The following FN3K variants were observed in gnomAD, a reference collection of about 807,000 sequenced individuals.
FN3K encodes the protein fructosamine-3-kinase.
A neutral mutation model predicts 24.8 loss-of-function variants in FN3K; 24 were observed. The ratio of observed to expected loss-of-function variants is 0.97; its 90% CI spans 0.70 to 1.36. The LOEUF (loss-of-function observed/expected upper bound fraction) is 1.36, where lower values mean the gene tolerates loss of function less well. FN3K is among the 40% of genes most tolerant of loss of function. The pLI is 0.00. For synonymous variants in FN3K, 192 were observed against 175.2 expected (o/e 1.10, Z -0.76); for missense variants, 449 against 416.7 (o/e 1.08, Z -0.67).
rs977029775 is a variant in FN3K at position 82,748,837 on chromosome 17, T to G, written c.469-18T>G. ...GGCTCCGAATTGCAACAGTGGCCTCTTTTCCCTTGTTGTCCAGGTGAATGA... is the reference window on the plus strand; with the variant it reads ...GGCTCCGAATTGCAACAGTGGCCTCGTTTCCCTTGTTGTCCAGGTGAATGA... On this transcript the variant is annotated intron_variant, in intron 4 of 5. Coordinates refer to ENST00000300784, the MANE Select transcript of FN3K (RefSeq NM_022158.4). The G allele has an allele frequency of 1.4e-5, 22 of 1,606,502 alleles. No individual in the cohort carries two copies. The highest frequency in any genetic ancestry group is 1.6e-5 in the Non-Finnish European group (19 of 1,178,236).
At position 82,750,841 on chromosome 17, in the gene FN3K, T is replaced by G; in HGVS notation, c.*86T>G. The G allele has an allele frequency of 3.2e-6, 3 of 942,430 alleles. No individual in the cohort carries two copies. Among genetic ancestry groups the G allele is most frequent in the Non-Finnish European group, 4.4e-6 (3 of 680,194 alleles). 58.4% of individuals were successfully genotyped at this position (942,430 alleles called of 1,614,324 possible). A position where few individuals can be genotyped will look rare whatever the true frequency, so the allele number is the denominator to read the frequency against. ...CCCGTCCCCCGTCCCTGTGCCCCCG[T>G]CCCTGTCCCCCTGTTCCCGTCTCCC... On this transcript the variant is annotated 3_prime_UTR_variant, in exon 6 of 6. Coordinates refer to ENST00000300784, the MANE Select transcript of FN3K (RefSeq NM_022158.4).
intron 1 of FN3K, among the ~76,000 whole-genome samples, chr17:82,737,334 G>T (rs941138781): frequency 2.0e-5 from 3 of 152,088 alleles, no homozygotes; most frequent in Admixed American, 2.0e-4. Context: ...CCATCATGGT[G>T]AAATTCCATC....
At chr17:82,735,854 C>A in intron 1 of FN3K, 77 bp downstream of exon 1, 6 of 1,499,264 alleles carry the variant, frequency 4.0e-6, no homozygotes, top group Non-Finnish European at 5.4e-6. Flanking sequence ...GGGGCAGGCG[C>A]ATTTCCTGGG....
chr17:82,738,644 A>C lies in FN3K; in HGVS notation c.293+4A>C. 2 of 1,613,716 alleles carry C rather than the reference A, an allele frequency of 1.2e-6. No homozygotes were observed. Among genetic ancestry groups the C allele is most frequent in the Non-Finnish European group, 1.7e-6 (2 of 1,179,822 alleles). On this transcript the variant is annotated splice_donor_region_variant and intron_variant, in intron 2 of 5. Transcript: ENST00000300784. ...TGAAGATGAAGAGCTTGAGCAGGTG[A>C]GTGTGTGTGAGACCCATATGCGCAC... is the stretch of plus-strand genomic sequence containing the variant.
At chr17:82,748,723 A>G (rs1336073574) in intron 4 of FN3K, 132 bp from the exon 5 acceptor site, 1 of 1,413,602 alleles carries the variant, frequency 7.1e-7, no homozygotes, top group Non-Finnish European at 9.9e-7. Context: ...TGGGTTGAGT[A>G]TTTTATGTTT....
At chr17:82,737,053 C>T (rs1568066790) in intron 1 of FN3K, among the ~76,000 whole-genome samples, 1 of 152,128 alleles carries the variant, frequency 6.6e-6, no homozygotes, top group Non-Finnish European at 1.5e-5. Context: ...GGGGGCTCGC[C>T]CTGGAGCAGG....
intron 2 of FN3K, among the ~76,000 whole-genome samples, chr17:82,738,948 T>TG (rs1598340682): frequency 2.5e-5 from 2 of 80,814 alleles, no homozygotes; most frequent in African/African-American, 1.1e-4. Context: ...ATATATATAT[T>TG]TTTTTTTTTT....
Position 82,738,947 on chromosome 17 carries a change from T to TA in FN3K, c.293+307_293+308insA, listed in dbSNP as rs1491164859. Among the ~76,000 whole-genome samples the TA allele has an allele frequency of 1.0e-3, 67 of 65,106 alleles. 2 individuals are homozygous for TA. Among genetic ancestry groups the TA allele is most frequent in the East Asian group, 4.5e-3 (10 of 2,238 alleles). 42.7% of individuals were successfully genotyped at this position (65,106 alleles called of 152,430 possible). ...ACACATATATATATATATATATATATTTTTTTTTTTTTTGAAACACAGTCT... is the reference window on the plus strand; with the variant it reads ...ACACATATATATATATATATATATATATTTTTTTTTTTTTGAAACACAGTCT... On this transcript the variant is annotated intron_variant, in intron 2 of 5. Coordinates refer to ENST00000300784, the MANE Select transcript of FN3K (RefSeq NM_022158.4).
Position 82,748,924 on chromosome 17 carries a change from A to G in FN3K, c.538A>G (p.Ile180Val). The G allele has an allele frequency of 6.2e-7, 1 of 1,614,160 alleles. No homozygotes were observed. The highest frequency in any genetic ancestry group is 8.5e-7 in the Non-Finnish European group (1 of 1,180,034). The change falls in exon 5 of 6, where the codon ATT (isoleucine) becomes GTT (valine). Residue 180 changes from isoleucine to valine, a missense_variant. Transcript: ENST00000300784. ...CCGGCTCCAGGCGCAGCTGGACCTC[A>G]TTGAGAAGGACTATGCTGACCGAGA... ...RHRLQAQLDL[I>V]EKDYADREAR...
chr17:82,742,428 C>T (rs2046946135), intron 4 of FN3K, among the ~76,000 whole-genome samples: 4 of 152,164 alleles, frequency 2.6e-5, no homozygotes. Context: ...TCTAATGTAC[C>T]TTCTGTCTCT....
intron 2 of FN3K, among the ~76,000 whole-genome samples, chr17:82,738,947 T>TACACA (rs1491164859): frequency 3.1e-5 from 2 of 65,254 alleles, no homozygotes; most frequent in African/African-American, 6.4e-5. Context: ...TATATATATA[T>TACACA]TTTTTTTTTT....
At chr17:82,737,107 C>T (rs2046907069) in intron 1 of FN3K, among the ~76,000 whole-genome samples, 1 of 152,192 alleles carries the variant, frequency 6.6e-6, no homozygotes, top group African/African-American at 2.4e-5. Context: ...ACACTCACAC[C>T]CACCCTCGGT....
At chr17:82,739,722 G>A (rs931881505) in intron 2 of FN3K, among the ~76,000 whole-genome samples, 2 of 152,074 alleles carry the variant, frequency 1.3e-5, no homozygotes, top group Admixed American at 1.3e-4. Flanking sequence ...CTCCCAAAGT[G>A]CTGGGATTAT....
At chr17:82,748,142 C>CTTTTTT (rs145352692) in intron 4 of FN3K, among the ~76,000 whole-genome samples, 3 of 141,866 alleles carry the variant, frequency 2.1e-5, no homozygotes, top group African/African-American at 2.6e-5. Context: ...CTCTAGCTTT[C>CTTTTTT]TTTTTTTTTT....
Position 82,735,756 on chromosome 17 carries a change from CAA to C in FN3K, c.122_123del (p.Lys41SerfsTer12). ...YDTDAGPVFV[K>X]VNRRTQARQM... The stretch of plus-strand genomic sequence containing the variant: ...ACACGGACGCAGGCCCAGTGTTCGT[CAA>C]AGTCAACCGCAGGACGCAGGTGCTG... On this transcript the variant is annotated frameshift_variant, in exon 1 of 6. Coordinates refer to ENST00000300784, the MANE Select transcript of FN3K (RefSeq NM_022158.4). LOFTEE classifies it high-confidence loss of function. The C allele has an allele frequency of 2.6e-6, 4 of 1,563,930 alleles. No individual in the cohort carries two copies. The highest frequency in any genetic ancestry group is 3.5e-6 in the Non-Finnish European group (4 of 1,156,218).
chr17:82,744,100 A>G (rs1317236139), intron 4 of FN3K, among the ~76,000 whole-genome samples: 3 of 152,168 alleles, frequency 2.0e-5, no homozygotes, highest in Admixed American at 1.3e-4. Flanking sequence ...CAGCCAGGCT[A>G]TGGGGAGGGG....
chr17:82,749,687 A>G (rs2046989732), intron 5 of FN3K: 1 of 158,634 alleles, frequency 6.3e-6, no homozygotes, highest in Non-Finnish European at 1.4e-5. Flanking sequence ...ATCAAAATAT[A>G]ACTCTCAAAA....
At chr17:82,746,590 C>CA (rs1186793837) in intron 4 of FN3K, among the ~76,000 whole-genome samples, 3 of 152,050 alleles carry the variant, frequency 2.0e-5, no homozygotes, top group African/African-American at 7.2e-5. Context: ...CACTTGAGGT[C>CA]AGGAGTTCGA....
In FN3K at chr17:82,735,697, G is replaced by C; in HGVS notation, c.61G>C (p.Gly21Arg). 1.9e-6 allele frequency: 3 copies of C among 1,544,760 alleles called. No individual in the cohort carries two copies. The highest frequency in any genetic ancestry group is 2.6e-6 in the Non-Finnish European group (3 of 1,147,510). The change falls in exon 1 of 6, where the codon GGC (glycine) becomes CGC (arginine). Residue 21 changes from glycine to arginine, a missense_variant. Coordinates refer to ENST00000300784, the MANE Select transcript of FN3K (RefSeq NM_022158.4). ...TATLRAFGGP[G>R]AGCISEGRAY... ...GACCCTGCGGGCCTTCGGCGGCCCC[G>C]GCGCCGGCTGCATCAGCGAGGGCCG...
Sources: gnomAD v4.1 joint callset for allele counts (sites outside exome capture counted in the v4.1 genomes callset) on GRCh38, gnomAD v4.1.1 for gene constraint, MANE v1.5 for transcripts, NCBI Gene and HGNC (gene_info 2026-07-23, HGNC 2026-07-21) for gene names.